TANC1: variants seen among roughly 807,000 people sequenced by gnomAD.
The protein encoded by TANC1 is protein TANC1.
In TANC1, 77 loss-of-function variants were observed where a neutral mutation model predicts 149.7. The observed-to-expected ratio is 0.51, with a 90% CI of 0.43 to 0.62. The LOEUF is 0.62. Among genes scored for constraint, TANC1 ranks in the 20% least tolerant of loss-of-function variants. The probability of loss-of-function intolerance (pLI) is 0.00; values close to 1 mark genes in which losing one functional copy is unlikely to be tolerated. For synonymous variants in TANC1, 854 were observed against 925.0 expected (o/e 0.92, Z 1.39); for missense variants, 1,985 against 2,321.8 (o/e 0.85, Z 2.98).
intron 4 of TANC1, among the ~76,000 whole-genome samples, chr2:159,109,157 T>TA (rs1315434720): frequency 6.6e-6 from 1 of 152,190 alleles, no homozygotes; most frequent in Non-Finnish European, 1.5e-5. Context: ...GCAGTTCAGC[T>TA]AATGAGATGT....
chr2:159,132,717 T>TG (rs1192391498), intron 4 of TANC1, among the ~76,000 whole-genome samples: 2 of 150,484 alleles, frequency 1.3e-5, no homozygotes, highest in African/African-American at 4.9e-5. Context: ...CAGGCTGGTC[T>TG]GGAACTCATG....
At chr2:159,224,023 G>A (rs1360426244) in intron 22 of TANC1, among the ~76,000 whole-genome samples, 1 of 152,212 alleles carries the variant, frequency 6.6e-6, no homozygotes, top group Non-Finnish European at 1.5e-5. Context: ...CCTCATCCCT[G>A]ACAGCAAAAT....
chr2:159,094,834 A>G (rs2045932524), intron 3 of TANC1, among the ~76,000 whole-genome samples: 1 of 152,134 alleles, frequency 6.6e-6, no homozygotes, highest in Non-Finnish European at 1.5e-5. Flanking sequence ...CTAGGAGGAA[A>G]GGCCTCTAAC....
chr2:159,093,088 T>G (rs540632844), intron 3 of TANC1, among the ~76,000 whole-genome samples: 1 of 152,282 alleles, frequency 6.6e-6, no homozygotes, highest in East Asian at 1.9e-4. Context: ...AATGTTCCAA[T>G]GGAAACACCT....
rs746887002 is a variant in TANC1 at position 159,217,570 on chromosome 2, G to A, written c.3318G>A (p.Ser1106=). ...TGCTGGGGCATGGAGCTGCTGTGTC[G>A]CGGACAAACAGGAGAGGGGTTCCAC... ...ELLLGHGAAV[S]RTNRRGVPPL... is the part of the protein sequence containing the mutation. The change falls in exon 20 of 27, where the codon TCG becomes TCA. Residue 1106 remains serine (S), a synonymous_variant. Coordinates refer to ENST00000263635, the MANE Select transcript of TANC1 (RefSeq NM_033394.3). 48 of 1,614,108 alleles carry A rather than the reference G, an allele frequency of 3.0e-5. No homozygotes were observed. Among genetic ancestry groups the A allele is most frequent in the Admixed American group, 1.2e-4 (7 of 60,014 alleles).
chr2:159,172,409 A>C lies in TANC1; in HGVS notation c.1503+137A>C, dbSNP rs1395102533. 9.9e-6 allele frequency: 8 copies of C among 807,666 alleles called. No individual in the cohort carries two copies. The African/African-American group carries it at 1.2e-4, about 12-fold the overall frequency. The allele number at this position is 807,666 out of a possible 1,614,324, so 50.0% of individuals were successfully genotyped here. Reference sequence around the variant, plus strand: ...AAGTATAGCTTTTAATGAAATAGTGATACAGTTCTCCAAGTAAAAGTGTGA... The same window carrying C: ...AAGTATAGCTTTTAATGAAATAGTGCTACAGTTCTCCAAGTAAAAGTGTGA... On this transcript the variant is annotated intron_variant, in intron 11 of 26. Coordinates refer to ENST00000263635, the MANE Select transcript of TANC1 (RefSeq NM_033394.3).
intron 24 of TANC1, chr2:159,226,977 A>C (rs1298538196): frequency 1.3e-5 from 2 of 152,256 alleles, no homozygotes; most frequent in African/African-American, 4.8e-5. Flanking sequence ...CTCTGTGATT[A>C]GACAGAATTA....
intron 2 of TANC1, among the ~76,000 whole-genome samples, chr2:159,009,080 A>C (rs1414772813): frequency 6.6e-6 from 1 of 152,218 alleles, no homozygotes; most frequent in Non-Finnish European, 1.5e-5. Flanking sequence ...AATAACTAAG[A>C]GCAGGTTGGA....
intron 4 of TANC1, among the ~76,000 whole-genome samples, chr2:159,130,772 C>T (rs1240292485): frequency 6.6e-6 from 1 of 152,162 alleles, no homozygotes; most frequent in Non-Finnish European, 1.5e-5. Context: ...TAGCTCATTG[C>T]AGCCTCGAAC....
intron 2 of TANC1, among the ~76,000 whole-genome samples, chr2:159,024,211 C>T (rs1449615837): frequency 1.3e-5 from 2 of 152,070 alleles, no homozygotes; most frequent in East Asian, 1.9e-4. Context: ...ATGGCAGTCC[C>T]GTAAGATTAT....
intron 4 of TANC1, among the ~76,000 whole-genome samples, chr2:159,109,555 A>G (rs2047521274): frequency 6.6e-6 from 1 of 152,208 alleles, no homozygotes; most frequent in African/African-American, 2.4e-5. Context: ...GTTCTTCCTT[A>G]TCTGTGGTTT....
chr2:158,991,945 A>G (rs7569342), intron 1 of TANC1, among the ~76,000 whole-genome samples: 53,208 of 152,066 alleles, frequency 0.35, 10,260 homozygotes, highest in East Asian at 0.5. Context: ...TTCACCTTTC[A>G]CATACATTAT....
chr2:158,975,166 T>G (rs1238647630), intron 1 of TANC1, among the ~76,000 whole-genome samples: 1 of 152,186 alleles, frequency 6.6e-6, no homozygotes, highest in African/African-American at 2.4e-5. Flanking sequence ...TTGTATTTAT[T>G]GTATTTTATT....
chr2:158,998,404 C>G (rs1015392424), intron 1 of TANC1, among the ~76,000 whole-genome samples: 1 of 152,160 alleles, frequency 6.6e-6, no homozygotes, highest in Non-Finnish European at 1.5e-5. Context: ...TTGCAAACAT[C>G]AGTACATGCG....
chr2:158,997,391 T>C (rs754701359), intron 1 of TANC1, among the ~76,000 whole-genome samples: 2 of 152,222 alleles, frequency 1.3e-5, no homozygotes, highest in Admixed American at 1.3e-4. Context: ...TAGCTTGACA[T>C]AGATACAGAA....
At chr2:159,195,861 G>A (rs1452504331) in intron 17 of TANC1, among the ~76,000 whole-genome samples, 1 of 152,200 alleles carries the variant, frequency 6.6e-6, no homozygotes, top group Non-Finnish European at 1.5e-5. Context: ...CTGAATGAGG[G>A]TACAGGGCGT....
chr2:159,113,583 G>A (rs183491711), intron 4 of TANC1, among the ~76,000 whole-genome samples: 2 of 152,250 alleles, frequency 1.3e-5, no homozygotes, highest in Admixed American at 6.5e-5. Context: ...TCTGAGATTG[G>A]GGTAAATCGC....
intron 2 of TANC1, among the ~76,000 whole-genome samples, chr2:159,046,589 C>CTTTTTTTTTTTT (rs57208685): frequency 9.5e-5 from 8 of 84,386 alleles, no homozygotes; most frequent in Non-Finnish European, 1.5e-4. Flanking sequence ...CTTTTCTTTA[C>CTTTTTTTTTTTT]TTTTTTTTTT....
At chr2:159,192,009 T>C (rs1322318565) in intron 16 of TANC1, among the ~76,000 whole-genome samples, 1 of 152,118 alleles carries the variant, frequency 6.6e-6, no homozygotes, top group African/African-American at 2.4e-5. Flanking sequence ...TTGTATCTAA[T>C]GATCTGAAGA....
Sources: allele counts gnomAD v4.1 joint callset (sites outside exome capture counted in the v4.1 genomes callset), GRCh38; gene constraint gnomAD v4.1.1; transcripts MANE v1.5; gene names NCBI Gene and HGNC (gene_info 2026-07-23, HGNC 2026-07-21).